MGAT5: variants seen among roughly 807,000 people sequenced by gnomAD.
MGAT5 encodes alpha-1,6-mannosylglycoprotein 6-beta-N-acetylglucosaminyltransferase.
In MGAT5, 30 loss-of-function variants were observed where a neutral mutation model predicts 94.3. The observed-to-expected ratio is 0.32, with a 90% confidence interval of 0.24 to 0.43. The LOEUF (loss-of-function observed/expected upper bound fraction) is 0.43, where lower values mean the gene tolerates loss of function less well. MGAT5 is among the 20% of genes least tolerant of loss of function. The pLI, the probability that MGAT5 is intolerant of heterozygous loss-of-function variation, is 1.00. For missense variants in MGAT5, 691 were observed against 905.5 expected (o/e 0.76, Z 3.04); for synonymous variants, 310 against 322.9 (o/e 0.96, Z 0.43).
intron 1 of MGAT5, among the ~76,000 whole-genome samples, chr2:134,130,928 G>T (rs1686126306): frequency 6.6e-6 from 1 of 152,232 alleles, no homozygotes; most frequent in South Asian, 2.1e-4. Flanking sequence ...TCAGCCCTCT[G>T]TAAAATGGGC....
intron 10 of MGAT5, among the ~76,000 whole-genome samples, chr2:134,393,894 G>A (rs1682558489): frequency 1.4e-5 from 2 of 145,302 alleles, no homozygotes; most frequent in Non-Finnish European, 3.0e-5. Flanking sequence ...CCAGGGAGAA[G>A]CACATGCATA....
intron 1 of MGAT5, among the ~76,000 whole-genome samples, chr2:134,165,843 G>A (rs560342777): frequency 1.3e-5 from 2 of 152,160 alleles, no homozygotes; most frequent in Non-Finnish European, 2.9e-5. Flanking sequence ...GTGTGATATG[G>A]AAGACTCCAG....
chr2:134,183,843 G>A (rs919718984), intron 1 of MGAT5, among the ~76,000 whole-genome samples: 3 of 152,232 alleles, frequency 2.0e-5, no homozygotes, highest in African/African-American at 7.2e-5. Flanking sequence ...CTTCCATTGA[G>A]GTGTTACGTG....
At chr2:134,242,940 C>T (rs1682048454) in intron 1 of MGAT5, among the ~76,000 whole-genome samples, 1 of 151,686 alleles carries the variant, frequency 6.6e-6, no homozygotes, top group South Asian at 2.1e-4. Context: ...TCAGGCAGGG[C>T]ATTGGCCTAA....
chr2:134,149,076 A>G (rs1475140500), intron 1 of MGAT5, among the ~76,000 whole-genome samples: 1 of 151,892 alleles, frequency 6.6e-6, no homozygotes, highest in Non-Finnish European at 1.5e-5. Context: ...GGTGTTTATG[A>G]TTTGCCTGGG....
In MGAT5 at chr2:134,254,531, G is replaced by T; in HGVS notation, c.128G>T (p.Ser43Ile). ...CAGCAGCGAACTCAGCCTGAAAGCAGCTCCATGCTGCGCGAGCAGATCCTG... is the reference window on the plus strand; with the variant it reads ...CAGCAGCGAACTCAGCCTGAAAGCATCTCCATGCTGCGCGAGCAGATCCTG... Reference protein sequence around the residue: ...TIQQRTQPESSSMLREQILDL... With the variant: ...TIQQRTQPESISMLREQILDL... Residue 43 changes from serine to isoleucine, a missense_variant, in exon 1 of 16, where the codon AGC (serine) becomes ATC (isoleucine). Physicochemically the swap from Ser to Ile is moderately radical, Grantham distance 142. Transcript: ENST00000281923. The T allele has an allele frequency of 6.2e-7, 1 of 1,614,190 alleles. No individual in the cohort carries two copies. Among genetic ancestry groups the T allele is most frequent in the Non-Finnish European group, 8.5e-7 (1 of 1,180,034 alleles).
At chr2:134,228,823 C>T (rs757783087) in intron 1 of MGAT5, among the ~76,000 whole-genome samples, 3 of 152,176 alleles carry the variant, frequency 2.0e-5, no homozygotes, top group African/African-American at 7.2e-5. Flanking sequence ...CCATAGAGGG[C>T]ACCACAGTGA....
At chr2:134,264,455 C>T (rs1309332357) in intron 1 of MGAT5, among the ~76,000 whole-genome samples, 1 of 152,190 alleles carries the variant, frequency 6.6e-6, no homozygotes, top group African/African-American at 2.4e-5. Context: ...TCTCTGCCCT[C>T]CCTAAGTTTA....
At chr2:134,383,131 AC>A (rs1681736890) in intron 10 of MGAT5, among the ~76,000 whole-genome samples, 1 of 152,182 alleles carries the variant, frequency 6.6e-6, no homozygotes, top group African/African-American at 2.4e-5. Flanking sequence ...TTTTACACTT[AC>A]CTGACATTTT....
chr2:134,229,439 C>T (rs1358093167), intron 1 of MGAT5, among the ~76,000 whole-genome samples: 1 of 152,200 alleles, frequency 6.6e-6, no homozygotes, highest in African/African-American at 2.4e-5. Flanking sequence ...CCTGTTTTAA[C>T]ATCTTTCTGG....
At chr2:134,255,487 A>T (rs1682895681) in intron 1 of MGAT5, among the ~76,000 whole-genome samples, 1 of 116,958 alleles carries the variant, frequency 8.6e-6, no homozygotes, top group Non-Finnish European at 2.2e-5. Context: ...ACATATATAC[A>T]TATATATACA....
At chr2:134,326,113 A>G (rs994615222) in intron 4 of MGAT5, among the ~76,000 whole-genome samples, 1 of 147,920 alleles carries the variant, frequency 6.8e-6, no homozygotes, top group Non-Finnish European at 1.5e-5. Flanking sequence ...TTAATTCATT[A>G]AAGGTACCTT....
intron 13 of MGAT5, among the ~76,000 whole-genome samples, chr2:134,423,976 A>G (rs1038119584): frequency 6.6e-6 from 1 of 152,172 alleles, no homozygotes; most frequent in African/African-American, 2.4e-5. Flanking sequence ...GATGGGAGAG[A>G]GGAATAGATG....
intron 1 of MGAT5, among the ~76,000 whole-genome samples, chr2:134,191,337 A>G (rs1296523692): frequency 2.6e-5 from 4 of 152,250 alleles, no homozygotes; most frequent in South Asian, 2.1e-4. Flanking sequence ...GAGAACTTTA[A>G]GAGGTGATTA....
At chr2:134,147,068 G>A (rs572412392) in intron 1 of MGAT5, among the ~76,000 whole-genome samples, 13 of 152,138 alleles carry the variant, frequency 8.5e-5, no homozygotes, top group African/African-American at 2.9e-4. Flanking sequence ...GAATGTTAAT[G>A]TAGTTTGGGT....
chr2:134,330,435 C>T (rs1687891417), intron 4 of MGAT5, among the ~76,000 whole-genome samples: 1 of 152,080 alleles, frequency 6.6e-6, no homozygotes, highest in Non-Finnish European at 1.5e-5. Flanking sequence ...AGTTGTCACT[C>T]AGCCCTGCCA....
intron 1 of MGAT5, among the ~76,000 whole-genome samples, chr2:134,168,823 A>G (rs1688069546): frequency 6.6e-6 from 1 of 152,170 alleles, no homozygotes; most frequent in Admixed American, 6.5e-5. Flanking sequence ...AGATAGGGAA[A>G]TCCGTGGTTG....
intron 1 of MGAT5, among the ~76,000 whole-genome samples, chr2:134,224,233 A>ATGATCTGT (rs1680938343): frequency 6.6e-6 from 1 of 152,180 alleles, no homozygotes; most frequent in Non-Finnish European, 1.5e-5. Context: ...TCCTATTAGC[A>ATGATCTGT]GGCGTTTCAT....
At chr2:134,201,696 C>CACAATGCTA (rs1439947789) in intron 1 of MGAT5, among the ~76,000 whole-genome samples, 4 of 152,040 alleles carry the variant, frequency 2.6e-5, no homozygotes, top group African/African-American at 9.7e-5. Flanking sequence ...GTAACAGTGG[C>CACAATGCTA]ACAATGCTAA....
Sources: gnomAD v4.1 joint callset for allele counts (sites outside exome capture counted in the v4.1 genomes callset) on GRCh38, gnomAD v4.1.1 for gene constraint, MANE v1.5 for transcripts, NCBI Gene and HGNC (gene_info 2026-07-23, HGNC 2026-07-21) for gene names.